The following CCDC6 variants were observed in gnomAD, a reference collection of about 807,000 sequenced individuals.
CCDC6 encodes coiled-coil domain-containing protein 6.
CCDC6 carries 20 observed loss-of-function variants against 56.6 expected under a neutral mutation model. That is an observed-to-expected ratio of 0.35 (90% CI 0.25 to 0.51). The LOEUF is 0.51. Ranked by LOEUF, CCDC6 falls within the 20% of genes least tolerant of loss-of-function variation. The probability of loss-of-function intolerance (pLI) is 0.95; values close to 1 mark genes in which losing one functional copy is unlikely to be tolerated. For synonymous variants in CCDC6, 241 were observed against 234.4 expected (o/e 1.03, Z -0.26); for missense variants, 367 against 601.1 (o/e 0.61, Z 4.07).
chr10:59,809,083 C>G (rs928334153), intron 5 of CCDC6, among the ~76,000 whole-genome samples: 2 of 152,068 alleles, frequency 1.3e-5, no homozygotes, highest in African/African-American at 4.8e-5. Flanking sequence ...TTATTTGATC[C>G]CAAATATGCA....
chr10:59,816,519 C>T (rs751496398), intron 3 of CCDC6, among the ~76,000 whole-genome samples: 11 of 152,126 alleles, frequency 7.2e-5, no homozygotes, highest in Non-Finnish European at 1.3e-4. Flanking sequence ...AATCCCAGCT[C>T]CATCAATCAC....
chr10:59,884,274 CA>C lies in CCDC6; in HGVS notation c.303+21847del, dbSNP rs1367546133. Among the ~76,000 whole-genome samples the C allele has an allele frequency of 5.9e-5, 9 of 151,948 alleles. No individual in the cohort carries two copies. In the East Asian group the frequency reaches 1.7e-3, roughly 29 times the overall value. The stretch of plus-strand genomic sequence containing the variant: ...AATAAGATGTTCCCTGCTACAGGAC[CA>C]AAAAAAGAAGGCAAGAATATAAAAA... On this transcript the variant is annotated intron_variant, in intron 1 of 8. Coordinates refer to ENST00000263102, the MANE Select transcript of CCDC6 (RefSeq NM_005436.5).
At position 59,878,194 on chromosome 10, in the gene CCDC6, G is replaced by A. The variant is rs961197808; in HGVS notation, c.304-25492C>T. On this transcript the variant is annotated intron_variant, in intron 1 of 8. Coordinates refer to ENST00000263102, the MANE Select transcript of CCDC6 (RefSeq NM_005436.5). ...TAAACTATAGATTTATGAAAAACAA[G>A]AGTTTAGAAATTTTTCTTGAGAAAC... Among the ~76,000 whole-genome samples, 6 of 152,264 alleles carry A rather than the reference G, an allele frequency of 3.9e-5. No homozygotes were observed. The East Asian group carries it at 1.2e-3, about 29-fold the overall frequency.
chr10:59,887,360 T>A (rs575970256), intron 1 of CCDC6, among the ~76,000 whole-genome samples: 2 of 151,930 alleles, frequency 1.3e-5, no homozygotes, highest in African/African-American at 4.8e-5. Flanking sequence ...TCTGATACAC[T>A]CACCCACATA....
intron 7 of CCDC6, among the ~76,000 whole-genome samples, chr10:59,798,154 G>A (rs1384635110): frequency 6.6e-6 from 1 of 152,194 alleles, no homozygotes; most frequent in African/African-American, 2.4e-5. Flanking sequence ...TACTGGCAAA[G>A]TGAAAAGGGA....
At chr10:59,878,879 C>A (rs2132673444) in intron 1 of CCDC6, among the ~76,000 whole-genome samples, 1 of 152,104 alleles carries the variant, frequency 6.6e-6, no homozygotes, top group Admixed American at 6.5e-5. Flanking sequence ...ACAATTATGA[C>A]TATTCATTTA....
At chr10:59,810,856 G>A (rs1008315501) in intron 5 of CCDC6, among the ~76,000 whole-genome samples, 1 of 152,138 alleles carries the variant, frequency 6.6e-6, no homozygotes, top group South Asian at 2.1e-4. Context: ...AAGTTAAGGG[G>A]CTTGAGATGG....
At chr10:59,831,521 A>G (rs1016106249) in intron 3 of CCDC6, among the ~76,000 whole-genome samples, 1 of 152,236 alleles carries the variant, frequency 6.6e-6, no homozygotes, top group African/African-American at 2.4e-5. Flanking sequence ...CACAGGGAGA[A>G]GCCTGAATGT....
At chr10:59,826,776 T>C (rs1429585138) in intron 3 of CCDC6, among the ~76,000 whole-genome samples, 1 of 152,180 alleles carries the variant, frequency 6.6e-6, no homozygotes, top group Non-Finnish European at 1.5e-5. Context: ...TCAAGGAAGG[T>C]AGTGAAACAT....
Position 59,814,681 on chromosome 10 carries a change from T to C in CCDC6, c.657A>G (p.Lys219=). 6.2e-7 allele frequency: 1 copy of C among 1,613,446 alleles called. No homozygotes were observed. The highest frequency in any genetic ancestry group is 1.3e-5 in the African/African-American group (1 of 75,008). Residue 219 remains lysine, a synonymous_variant, in exon 4 of 9, where the codon AAA becomes AAG. Transcript: ENST00000263102. ...TTTCAGCTTCAAGCTTATCCATCCT[T>C]TTCCAGAGGCGATTAACTAGTGCTT... ...EQEALVNRLW[K]RMDKLEAEKR... is the part of the protein sequence containing the mutation.
intron 7 of CCDC6, among the ~76,000 whole-genome samples, chr10:59,798,909 G>A (rs1299131271): frequency 6.7e-6 from 1 of 148,608 alleles, no homozygotes; most frequent in Non-Finnish European, 1.5e-5. Flanking sequence ...CAGGAGAATC[G>A]CTTGAATCTG....
At chr10:59,894,732 T>C (rs1420626221) in intron 1 of CCDC6, among the ~76,000 whole-genome samples, 1 of 152,062 alleles carries the variant, frequency 6.6e-6, no homozygotes, top group African/African-American at 2.4e-5. Context: ...GGCAATATCC[T>C]GGGGTAGCTG....
intron 2 of CCDC6, among the ~76,000 whole-genome samples, chr10:59,845,088 T>C (rs185751016): frequency 6.6e-6 from 1 of 152,318 alleles, no homozygotes; most frequent in Admixed American, 6.5e-5. Context: ...TTTAAAACTG[T>C]TCCTAGTGAT....
At position 59,882,915 on chromosome 10, in the gene CCDC6, G is replaced by A. The variant is rs541615548; in HGVS notation, c.303+23207C>T. Among the ~76,000 whole-genome samples, 37 of 151,910 alleles carry A rather than the reference G, an allele frequency of 2.4e-4. No individual in the cohort carries two copies. The South Asian group carries it at 2.5e-3, about 10-fold the overall frequency. ...GCGGAGGTTGCAGTGAGCAGAGATC[G>A]CGCCACTGCACTCCAGCCTGGGCGA... On this transcript the variant is annotated intron_variant, in intron 1 of 8. Coordinates refer to ENST00000263102, the MANE Select transcript of CCDC6 (RefSeq NM_005436.5).
intron 2 of CCDC6, among the ~76,000 whole-genome samples, chr10:59,833,180 G>T (rs564968543): frequency 6.6e-6 from 1 of 152,288 alleles, no homozygotes; most frequent in South Asian, 2.1e-4. Flanking sequence ...TGGTCATGGT[G>T]GCTCACACCT....
intron 1 of CCDC6, among the ~76,000 whole-genome samples, chr10:59,901,087 A>G (rs2071501104): frequency 6.6e-6 from 1 of 152,178 alleles, no homozygotes; most frequent in African/African-American, 2.4e-5. Context: ...TTAAAAATTA[A>G]GTACAAATAG....
chr10:59,848,453 C>G (rs1295489843), intron 2 of CCDC6, among the ~76,000 whole-genome samples: 4 of 152,054 alleles, frequency 2.6e-5, no homozygotes, highest in Non-Finnish European at 5.9e-5. Context: ...CCAAGGCATG[C>G]AGATCACTTG....
intron 3 of CCDC6, among the ~76,000 whole-genome samples, chr10:59,831,095 C>T (rs1009852937): frequency 3.3e-5 from 5 of 152,160 alleles, no homozygotes; most frequent in African/African-American, 1.2e-4. Flanking sequence ...GAGCTACTGC[C>T]TATCCTGGGA....
At chr10:59,862,425 T>G in intron 1 of CCDC6, among the ~76,000 whole-genome samples, 1 of 149,712 alleles carries the variant, frequency 6.7e-6, no homozygotes, top group Non-Finnish European at 1.5e-5. Context: ...GAGGCAGAGG[T>G]TGCAGTGAGC....
Sources: allele counts gnomAD v4.1 joint callset (sites outside exome capture counted in the v4.1 genomes callset), GRCh38; gene constraint gnomAD v4.1.1; transcripts MANE v1.5; gene names NCBI Gene and HGNC (gene_info 2026-07-23, HGNC 2026-07-21).